Variants in ITPR2 observed in about 807,000 individuals in gnomAD.
ITPR2 encodes inositol 1,4,5-trisphosphate receptor type 2, also known as inositol 1,4,5-trisphosphate-gated calcium channel ITPR2.
Under a neutral mutation model 317.1 loss-of-function variants are expected in ITPR2, and 207 were observed. The observed-to-expected ratio is 0.65, with a 90% CI of 0.58 to 0.73. The LOEUF (loss-of-function observed/expected upper bound fraction) is 0.73, where lower values mean the gene tolerates loss of function less well. ITPR2 is among the 30% of genes least tolerant of loss of function. ITPR2 has a pLI of 0.00. For missense variants in ITPR2, 2,613 were observed against 3,284.0 expected (o/e 0.80, Z 4.99); for synonymous variants, 1,156 against 1,149.1 (o/e 1.01, Z -0.12).
At chr12:26,741,132 C>T (rs1283364195) in intron 2 of ITPR2, among the ~76,000 whole-genome samples, 5 of 152,232 alleles carry the variant, frequency 3.3e-5, no homozygotes, top group African/African-American at 9.6e-5. Context: ...AGACAGGAAA[C>T]TCAGGCTGAG....
In ITPR2 at chr12:26,832,727, C is replaced by CT; in HGVS notation, c.54_55insA (p.Ala19SerfsTer17). 6.2e-7 allele frequency: 1 copy of CT among 1,600,442 alleles called. No homozygotes were observed. Among genetic ancestry groups the CT allele is most frequent in the South Asian group, 1.1e-5 (1 of 89,408 alleles). Reference sequence around the variant, plus strand: ...ATGAAGCCGTTGACCGAGCCCTCCGCGTACAGGGACACGATGTCCCCTATG... The same window carrying CT: ...ATGAAGCCGTTGACCGAGCCCTCCGCTGTACAGGGACACGATGTCCCCTATG... On this transcript the variant is annotated frameshift_variant, in exon 1 of 57. Transcript: ENST00000381340. LOFTEE classifies it high-confidence loss of function.
intron 10 of ITPR2, among the ~76,000 whole-genome samples, chr12:26,695,217 G>T (rs1468122529): frequency 2.6e-5 from 4 of 152,090 alleles, no homozygotes; most frequent in Admixed American, 2.6e-4. Context: ...AACATCCAGA[G>T]ATTTTGTCTG....
At chr12:26,742,426 A>C (rs1453815326) in intron 2 of ITPR2, among the ~76,000 whole-genome samples, 1 of 152,212 alleles carries the variant, frequency 6.6e-6, no homozygotes, top group Non-Finnish European at 1.5e-5. Context: ...TATTCATAAT[A>C]GTCAAAAAAG....
intron 22 of ITPR2, among the ~76,000 whole-genome samples, chr12:26,631,264 T>A (rs1294076566): frequency 6.6e-6 from 1 of 152,206 alleles, no homozygotes; most frequent in African/African-American, 2.4e-5. Flanking sequence ...CCAATGGGCA[T>A]GAAATAATAA....
At chr12:26,453,728 G>A (rs563868481) in intron 45 of ITPR2, among the ~76,000 whole-genome samples, 51 of 152,266 alleles carry the variant, frequency 3.3e-4, no homozygotes, top group African/African-American at 1.1e-3. Flanking sequence ...GCTTCTTCCA[G>A]CATCCAGAAA....
intron 49 of ITPR2, among the ~76,000 whole-genome samples, chr12:26,422,252 ATTAT>A (rs1180633248): frequency 6.6e-6 from 1 of 150,604 alleles, no homozygotes; most frequent in Non-Finnish European, 1.5e-5. Context: ...ATACTACTTA[ATTAT>A]TTAACCAATA....
intron 35 of ITPR2, among the ~76,000 whole-genome samples, chr12:26,561,083 C>T (rs1284452598): frequency 1.3e-5 from 2 of 152,102 alleles, no homozygotes; most frequent in African/African-American, 4.8e-5. Context: ...ATGAGCGGGC[C>T]CTAATCCAAC....
intron 1 of ITPR2, among the ~76,000 whole-genome samples, chr12:26,799,890 C>A (rs1346401569): frequency 1.3e-5 from 2 of 152,236 alleles, no homozygotes; most frequent in Non-Finnish European, 2.9e-5. Flanking sequence ...ACCTTAACTA[C>A]TACCAGTTCT....
chr12:26,771,661 C>G (rs1210122016), intron 2 of ITPR2, among the ~76,000 whole-genome samples: 1 of 152,034 alleles, frequency 6.6e-6, no homozygotes, highest in Non-Finnish European at 1.5e-5. Flanking sequence ...ACTACAGGTG[C>G]CCAACACCAC....
At chr12:26,700,576 G>C (rs573424784) in intron 9 of ITPR2, among the ~76,000 whole-genome samples, 5 of 152,184 alleles carry the variant, frequency 3.3e-5, no homozygotes, top group Non-Finnish European at 7.4e-5. Flanking sequence ...CCAGAGCCAC[G>C]TCTTTCAGTT....
chr12:26,652,368 G>A (rs1475790288), intron 21 of ITPR2, among the ~76,000 whole-genome samples: 1 of 152,236 alleles, frequency 6.6e-6, no homozygotes, highest in Non-Finnish European at 1.5e-5. Context: ...AAGGAATTGA[G>A]ATTTGGGCAG....
At position 26,770,553 on chromosome 12, in the gene ITPR2, G is replaced by C. The variant is rs149080976; in HGVS notation, c.163+19604C>G. Among the ~76,000 whole-genome samples the C allele has an allele frequency of 3.4e-3, 524 of 152,270 alleles. 2 individuals are homozygous for C. The highest frequency in any genetic ancestry group is 0.014 in the Middle Eastern group (4 of 294). On this transcript the variant is annotated intron_variant, in intron 2 of 56. Transcript: ENST00000381340. ...GCTAAGGGTCTAGATTTCAATCACA[G>C]CTTTGCTTGCTTCCTCCTAGATGTA...
chr12:26,492,502 C>T (rs1942830230), intron 39 of ITPR2, among the ~76,000 whole-genome samples: 1 of 152,050 alleles, frequency 6.6e-6, no homozygotes, highest in East Asian at 1.9e-4. Context: ...ACTGAACAAG[C>T]CTTTATCTAA....
intron 1 of ITPR2, among the ~76,000 whole-genome samples, chr12:26,820,609 A>ATT (rs776993620): frequency 2.0e-5 from 3 of 152,222 alleles, no homozygotes; most frequent in Non-Finnish European, 4.4e-5. Context: ...TGACCCAGAA[A>ATT]TTCCATTGCT....
chr12:26,463,888 C>A (rs1175543402), intron 45 of ITPR2, among the ~76,000 whole-genome samples: 1 of 152,112 alleles, frequency 6.6e-6, no homozygotes, highest in Non-Finnish European at 1.5e-5. Flanking sequence ...GATGTAAGGT[C>A]CCAGAGAAGC....
chr12:26,340,128 C>A, intron 56 of ITPR2, 39 bp downstream of exon 56: 1 of 1,541,940 alleles, frequency 6.5e-7, no homozygotes, highest in Non-Finnish European at 8.7e-7. Context: ...TGGTGAATGA[C>A]TTTATCCCAC....
At chr12:26,454,663 T>C (rs1167181330) in intron 45 of ITPR2, among the ~76,000 whole-genome samples, 3 of 152,116 alleles carry the variant, frequency 2.0e-5, no homozygotes, top group Non-Finnish European at 2.9e-5. Flanking sequence ...TTTTGAGATG[T>C]TGGACCATGT....
At chr12:26,511,606 A>T (rs960958025) in intron 37 of ITPR2, among the ~76,000 whole-genome samples, 2 of 152,134 alleles carry the variant, frequency 1.3e-5, no homozygotes, top group Non-Finnish European at 2.9e-5. Context: ...TAATTTCCTA[A>T]TAGATTTTTT....
intron 1 of ITPR2, among the ~76,000 whole-genome samples, chr12:26,823,297 T>C (rs1950966051): frequency 6.6e-6 from 1 of 152,192 alleles, no homozygotes; most frequent in South Asian, 2.1e-4. Context: ...TGTCAGGTGC[T>C]GAGCATACAG....
Sources: allele counts gnomAD v4.1 joint callset (sites outside exome capture counted in the v4.1 genomes callset), GRCh38; gene constraint gnomAD v4.1.1; transcripts MANE v1.5; gene names NCBI Gene and HGNC (gene_info 2026-07-23, HGNC 2026-07-21).